Variants in EDRF1 observed in about 807,000 individuals in gnomAD.
The protein encoded by EDRF1 is erythroid differentiation regulatory factor 1, also known as erythroid differentiation-related factor 1.
In EDRF1, 69 loss-of-function variants were observed where a neutral mutation model predicts 148.7. The ratio of observed to expected loss-of-function variants is 0.46; its 90% CI spans 0.38 to 0.57. EDRF1 has a LOEUF of 0.57. Among genes scored for constraint, EDRF1 ranks in the 20% least tolerant of loss-of-function variants. EDRF1 has a pLI of 0.00. For missense variants in EDRF1, 1,118 were observed against 1,478.7 expected, an observed-to-expected ratio of 0.76 and a Z score of 4.00; for synonymous variants, 515 against 532.8, an observed-to-expected ratio of 0.97 and a Z score of 0.46.
At chr10:125,729,202 T>C in intron 7 of EDRF1, 98 bp downstream of exon 7, 2 of 1,452,808 alleles carry the variant, frequency 1.4e-6, no homozygotes, top group South Asian at 1.2e-5. Context: ...AAAACTCCAC[T>C]TGATCCTGAA....
chr10:125,756,032 A>C (rs1849885673), intron 24 of EDRF1, among the ~76,000 whole-genome samples: 1 of 152,098 alleles, frequency 6.6e-6, no homozygotes, highest in Non-Finnish European at 1.5e-5. Context: ...TTAAGGTGGA[A>C]GCCTAGATTA....
intron 4 of EDRF1, 60 bp downstream of exon 4, chr10:125,723,996 G>A (rs989779123): frequency 8.8e-6 from 14 of 1,596,290 alleles, no homozygotes; most frequent in Admixed American, 1.7e-5. Flanking sequence ...CTAGAAATAC[G>A]ATTTTGTTTC....
chr10:125,724,015 G>C (rs1258662918), intron 4 of EDRF1, 79 bp downstream of exon 4: 2 of 1,546,554 alleles, frequency 1.3e-6, no homozygotes, highest in Admixed American at 1.7e-5. Context: ...TCAGAGAATG[G>C]CCAAAGTGGA....
chr10:125,743,408 A>C (rs1394806210), intron 18 of EDRF1, 132 bp downstream of exon 18: 1 of 713,564 alleles, frequency 1.4e-6, no homozygotes, highest in African/African-American at 1.8e-5. Flanking sequence ...AGAACCTCTT[A>C]TTATTCTTAA....
At chr10:125,732,359 T>A (rs1848516195) in intron 9 of EDRF1, among the ~76,000 whole-genome samples, 2 of 152,126 alleles carry the variant, frequency 1.3e-5, no homozygotes, top group Admixed American at 1.3e-4. Flanking sequence ...GATAAGGATG[T>A]TGAATTGGTT....
chr10:125,736,011 T>C (rs1848711619), intron 13 of EDRF1, 107 bp downstream of exon 13: 2 of 1,062,554 alleles, frequency 1.9e-6, no homozygotes, highest in Non-Finnish European at 2.8e-6. Flanking sequence ...CCTTTCATGG[T>C]CTAGCATCTA....
intron 22 of EDRF1, 129 bp downstream of exon 22, chr10:125,749,694 C>G: frequency 1.8e-6 from 2 of 1,087,936 alleles, no homozygotes; most frequent in Non-Finnish European, 2.7e-6. Flanking sequence ...TTAATGACTT[C>G]GGGTAGAGAG....
chr10:125,758,487 C>T (rs965293487), intron 24 of EDRF1, among the ~76,000 whole-genome samples: 1 of 152,056 alleles, frequency 6.6e-6, no homozygotes, highest in African/African-American at 2.4e-5. Flanking sequence ...TGTACTTTCC[C>T]CCTGCTACGG....
chr10:125,758,782 T>C (rs1264890285), intron 24 of EDRF1, among the ~76,000 whole-genome samples: 2 of 152,184 alleles, frequency 1.3e-5, no homozygotes, highest in African/African-American at 2.4e-5. Flanking sequence ...CCTTTTCGCC[T>C]GTTTGGGAGG....
Position 125,751,661 on chromosome 10 carries a change from A to G in EDRF1, c.3278-1138A>G, listed in dbSNP as rs117267737. Among the ~76,000 whole-genome samples, 31 of 152,328 alleles carry G rather than the reference A, an allele frequency of 2.0e-4. No individual in the cohort carries two copies. The East Asian group carries it at 3.9e-3, about 19-fold the overall frequency. On this transcript the variant is annotated intron_variant, in intron 22 of 24. Coordinates refer to ENST00000356792, the MANE Select transcript of EDRF1 (RefSeq NM_001202438.2). The stretch of plus-strand genomic sequence containing the variant: ...CACCCGCAGAGTCGGGGAGTCCCCA[A>G]GACCATTGTCACTTCTCACACTAAC...
Position 125,730,126 on chromosome 10 carries a change from C to T in EDRF1, c.1017-162C>T, listed in dbSNP as rs1403691834. 1.6e-5 allele frequency: 10 copies of T among 610,036 alleles called. No homozygotes were observed. In the East Asian group the frequency reaches 2.3e-4, roughly 14 times the overall value. The allele number at this position is 610,036 out of a possible 1,614,324, so 37.8% of individuals were successfully genotyped here. ...GGAAAGATGTTAAATATAGCACAAC[C>T]ACTGAGCTGCATGTGCATATCTTAT... On this transcript the variant is annotated intron_variant, in intron 8 of 24. Coordinates refer to ENST00000356792, the MANE Select transcript of EDRF1 (RefSeq NM_001202438.2).
rs1447231249 is a variant in EDRF1 at position 125,723,088 on chromosome 10, T to C, written c.338T>C (p.Phe113Ser). 6.2e-7 allele frequency: 1 copy of C among 1,613,676 alleles called. No homozygotes were observed. The highest frequency in any genetic ancestry group is 8.5e-7 in the Non-Finnish European group (1 of 1,179,794). The change falls in exon 3 of 25, where the codon TTT becomes TCT. Residue 113 changes from phenylalanine (F) to serine (S), a missense_variant. By Grantham distance (155) the Phe-to-Ser change is radical (BLOSUM62 -2). Coordinates refer to ENST00000356792, the MANE Select transcript of EDRF1 (RefSeq NM_001202438.2). The stretch of plus-strand genomic sequence containing the variant: ...GGTAGCTTTGGCATGGCATATGACT[T>C]TATTGATTCAGTGGGAAATGATGTG... The part of the protein sequence containing the change: ...PFSSFGMAYD[F>S]IDSVGNDVDV...
intron 9 of EDRF1, chr10:125,732,006 C>T (rs1848499702): frequency 2.9e-6 from 1 of 347,966 alleles, no homozygotes; most frequent in Non-Finnish European, 6.3e-6. Flanking sequence ...ATGCTTTGAA[C>T]CGTTATATTC....
At chr10:125,744,404 G>A (rs766947546) in intron 18 of EDRF1, among the ~76,000 whole-genome samples, 77 of 152,166 alleles carry the variant, frequency 5.1e-4, no homozygotes, top group Non-Finnish European at 9.0e-4. Flanking sequence ...GGCTGGTCTC[G>A]GACTCCTGGC....
Position 125,753,442 on chromosome 10 carries a change from G to C in EDRF1, c.3394-252G>C, listed in dbSNP as rs1422639724. Among the ~76,000 whole-genome samples, 2 of 152,132 alleles carry C rather than the reference G, an allele frequency of 1.3e-5. 1 individual carries two copies. The highest frequency in any genetic ancestry group is 4.1e-4 in the South Asian group (2 of 4,830). ...GCTTGGTCAAATCCTGTGTGGTACC[G>C]TACATTTCTGCGTTGTGTCTAATGT... On this transcript the variant is annotated intron_variant, in intron 23 of 24. Coordinates refer to ENST00000356792, the MANE Select transcript of EDRF1 (RefSeq NM_001202438.2).
chr10:125,734,012 C>T lies in EDRF1; in HGVS notation c.1386-60C>T, dbSNP rs1298935555. 4 of 1,339,892 alleles carry T rather than the reference C, an allele frequency of 3.0e-6. No individual in the cohort carries two copies. The South Asian group carries it at 3.5e-5, about 12-fold the overall frequency. The allele number at this position is 1,339,892 out of a possible 1,614,324, so 83.0% of individuals were successfully genotyped here. A position where few individuals can be genotyped will look rare whatever the true frequency, so the allele number is the denominator to read the frequency against. Reference sequence around the variant, plus strand: ...GGAAAGAAACAAGAGCACTCCTAGACTTGAGTCTTGCAGACAACGATGAAA... The same window carrying T: ...GGAAAGAAACAAGAGCACTCCTAGATTTGAGTCTTGCAGACAACGATGAAA... On this transcript the variant is annotated intron_variant, in intron 11 of 24. Transcript: ENST00000356792.
At position 125,734,062 on chromosome 10, in the gene EDRF1, CTT is replaced by C. The variant is rs35894376; in HGVS notation, c.1386-4_1386-3del. ...ATGGGCAGTAAAGTTGATATAAACT[CTT>C]TTTTTAGGGTTGCTTGCAACATGAT... On this transcript the variant is annotated splice_region_variant and splice_polypyrimidine_tract_variant and intron_variant, in intron 11 of 24. Transcript: ENST00000356792. The C allele has an allele frequency of 6.2e-6, 10 of 1,606,830 alleles. No homozygotes were observed. Among genetic ancestry groups the C allele is most frequent in the African/African-American group, 1.3e-5 (1 of 74,746 alleles).
chr10:125,722,664 A>G (rs1218454073), intron 2 of EDRF1, among the ~76,000 whole-genome samples: 2 of 152,198 alleles, frequency 1.3e-5, no homozygotes, highest in Non-Finnish European at 2.9e-5. Context: ...CAATCTCAGA[A>G]AGTAAAATCC....
At chr10:125,723,732 G>A in intron 3 of EDRF1, 79 bp from the exon 4 acceptor site, 3 of 1,424,216 alleles carry the variant, frequency 2.1e-6, no homozygotes, top group Non-Finnish European at 2.9e-6. Context: ...GCTTTAAAAT[G>A]AATGAAGCTA....
Sources: gnomAD v4.1 joint callset for allele counts (sites outside exome capture counted in the v4.1 genomes callset) on GRCh38, gnomAD v4.1.1 for gene constraint, MANE v1.5 for transcripts, NCBI Gene and HGNC (gene_info 2026-07-23, HGNC 2026-07-21) for gene names.